Variants in TTC6 observed in about 807,000 individuals in gnomAD.
The protein encoded by TTC6 is tetratricopeptide repeat domain 6.
In TTC6, 172 loss-of-function variants were observed where a neutral mutation model predicts 210.4. That is an observed-to-expected ratio of 0.82 (90% CI 0.72 to 0.93). The LOEUF is 0.93. TTC6 is among the 40% of genes least tolerant of loss of function. The pLI is 0.00. For synonymous variants in TTC6, 804 were observed against 819.6 expected, an observed-to-expected ratio of 0.98 and a Z score of 0.32; for missense variants, 2,414 against 2,318.1, an observed-to-expected ratio of 1.04 and a Z score of -0.85.
chr14:37,815,284 C>T (rs2096138839), intron 25 of TTC6, among the ~76,000 whole-genome samples: 1 of 152,056 alleles, frequency 6.6e-6, no homozygotes, highest in African/African-American at 2.4e-5. Flanking sequence ...CAGTGGTCCC[C>T]AGCCTTTTTG....
intron 1 of TTC6, among the ~76,000 whole-genome samples, chr14:37,600,961 G>A (rs1459559813): frequency 1.3e-5 from 2 of 152,242 alleles, no homozygotes; most frequent in Admixed American, 1.3e-4. Flanking sequence ...CAGTGAGTTT[G>A]CTTCTAAACA....
chr14:37,629,802 C>T (rs2095666287), intron 1 of TTC6, among the ~76,000 whole-genome samples: 1 of 152,044 alleles, frequency 6.6e-6, no homozygotes, highest in Admixed American at 6.6e-5. Context: ...GTTTATAGAG[C>T]ATTTTTAGCA....
At chr14:37,808,619 A>G (rs2096123430) in intron 23 of TTC6, 114 bp from the exon 26 acceptor site, 1 of 543,932 alleles carries the variant, frequency 1.8e-6, no homozygotes, top group East Asian at 3.3e-5. Flanking sequence ...GATGATACAA[A>G]GAATGGTTAA....
intron 7 of TTC6, among the ~76,000 whole-genome samples, chr14:37,732,388 T>G (rs1212298064): frequency 6.6e-6 from 1 of 151,318 alleles, no homozygotes; most frequent in Non-Finnish European, 1.5e-5. Flanking sequence ...TTTCACCGTG[T>G]TAGCCAGGAT....
intron 7 of TTC6, among the ~76,000 whole-genome samples, chr14:37,735,571 A>G (rs1166287555): frequency 1.3e-5 from 2 of 152,216 alleles, no homozygotes; most frequent in African/African-American, 2.4e-5. Context: ...AGAAAACTAG[A>G]TATGTCTTGT....
chr14:37,824,026 G>T, intron 27 of TTC6, 69 bp downstream of exon 29: 1 of 1,340,750 alleles, frequency 7.5e-7, no homozygotes. Flanking sequence ...GCTCTTTCCT[G>T]GCAATGGGAG....
chr14:37,784,715 A>C (rs1269707469), intron 14 of TTC6, among the ~76,000 whole-genome samples: 1 of 152,144 alleles, frequency 6.6e-6, no homozygotes, highest in Non-Finnish European at 1.5e-5. Flanking sequence ...TTTTCCTAGC[A>C]TCGATGGTCT....
At chr14:37,656,998 TCA>T (rs2095724843) in intron 1 of TTC6, among the ~76,000 whole-genome samples, 1 of 151,856 alleles carries the variant, frequency 6.6e-6, no homozygotes, top group Admixed American at 6.6e-5. Context: ...TCACCTGAGG[TCA>T]GGCGTTCTAG....
chr14:37,616,966 T>A (rs2095643796), intron 2 of TTC6, among the ~76,000 whole-genome samples: 1 of 152,152 alleles, frequency 6.6e-6, no homozygotes, highest in African/African-American at 2.4e-5. Flanking sequence ...AGCCTTGACC[T>A]CCTGGGCTCA....
chr14:37,681,430 C>T (rs4141723), intron 2 of TTC6, among the ~76,000 whole-genome samples: 94,198 of 151,932 alleles, frequency 0.62, 29,415 homozygotes, highest in East Asian at 0.85. Context: ...GCTTAGATAT[C>T]GTCTTGATTA....
intron 14 of TTC6, among the ~76,000 whole-genome samples, chr14:37,770,832 T>C (rs1313714955): frequency 6.6e-6 from 1 of 150,614 alleles, no homozygotes; most frequent in Non-Finnish European, 1.5e-5. Flanking sequence ...ATGTGTGAAT[T>C]TGATCCTGTC....
chr14:37,698,482 A>G (rs973933870), intron 4 of TTC6, among the ~76,000 whole-genome samples: 9 of 152,138 alleles, frequency 5.9e-5, no homozygotes, highest in African/African-American at 2.2e-4. Context: ...TTGACATCAG[A>G]GCACACCTTT....
chr14:37,800,434 C>A (rs2096103775), intron 20 of TTC6, among the ~76,000 whole-genome samples: 1 of 152,046 alleles, frequency 6.6e-6, no homozygotes, highest in Non-Finnish European at 1.5e-5. Flanking sequence ...ACAAAGTCAA[C>A]CAGGACTTGC....
At chr14:37,691,310 A>T (rs2095803185) in intron 3 of TTC6, among the ~76,000 whole-genome samples, 1 of 152,182 alleles carries the variant, frequency 6.6e-6, no homozygotes, top group South Asian at 2.1e-4. Context: ...AGCCTGTGTG[A>T]CAGAGCAATA....
intron 5 of TTC6, among the ~76,000 whole-genome samples, chr14:37,706,880 T>C (rs1329600227): frequency 2.6e-5 from 4 of 152,102 alleles, no homozygotes; most frequent in Non-Finnish European, 4.4e-5. Context: ...GACTTAAATA[T>C]TTTTTGAGCT....
chr14:37,762,270 T>C lies in TTC6; in HGVS notation c.3266+9035T>C, dbSNP rs117891031. Among the ~76,000 whole-genome samples the C allele has an allele frequency of 6.6e-4, 100 of 152,308 alleles. 1 individual carries two copies. In the East Asian group the frequency reaches 0.013, roughly 20 times the overall value. Reference sequence around the variant, plus strand: ...GATTTCTTATCTTGGCTATTGTAAATAATGCTCTAAGAAATGTGGAGTACA... The same window carrying C: ...GATTTCTTATCTTGGCTATTGTAAACAATGCTCTAAGAAATGTGGAGTACA... On this transcript the variant is annotated intron_variant, in intron 14 of 30. Coordinates refer to ENST00000553443, the Ensembl canonical transcript of TTC6.
chr14:37,757,564 C>T (rs1313863380), intron 14 of TTC6, among the ~76,000 whole-genome samples: 2 of 152,224 alleles, frequency 1.3e-5, no homozygotes, highest in Admixed American at 6.5e-5. Flanking sequence ...TGAGCCACTG[C>T]GCCTGGCCTT....
At chr14:37,719,152 A>G (rs369436825) in intron 6 of TTC6, among the ~76,000 whole-genome samples, 5 of 152,338 alleles carry the variant, frequency 3.3e-5, no homozygotes, top group Admixed American at 2.6e-4. Flanking sequence ...CTAACAAAAC[A>G]TGTTTAAGAG....
At chr14:37,821,007 C>G (rs550528456) in intron 26 of TTC6, among the ~76,000 whole-genome samples, 1 of 63,428 alleles carries the variant, frequency 1.6e-5, no homozygotes, top group African/African-American at 4.6e-5. Context: ...TCCTCTTGCT[C>G]TTCTTCTTCT....
Sources: gnomAD v4.1 joint callset for allele counts (sites outside exome capture counted in the v4.1 genomes callset) on GRCh38, gnomAD v4.1.1 for gene constraint, MANE v1.5 for transcripts, NCBI Gene and HGNC (gene_info 2026-07-23, HGNC 2026-07-21) for gene names.